Variants in SLC25A21 observed in about 807,000 individuals in gnomAD.
The protein encoded by SLC25A21 is solute carrier family 25 member 21.
SLC25A21 carries 47 observed loss-of-function variants against 43.8 expected under a neutral mutation model. The ratio of observed to expected loss-of-function variants is 1.07; its 90% confidence interval spans 0.85 to 1.37. The LOEUF (loss-of-function observed/expected upper bound fraction) is 1.37, where lower values mean the gene tolerates loss of function less well. Ranked by LOEUF, SLC25A21 falls within the 40% of genes most tolerant of loss-of-function variation. The pLI, the probability that SLC25A21 is intolerant of heterozygous loss-of-function variation, is 0.00. For missense variants in SLC25A21, 352 were observed against 350.2 expected (o/e 1.00, Z -0.04); for synonymous variants, 131 against 121.3 (o/e 1.08, Z -0.52).
At chr14:36,840,970 A>G (rs1361893594) in intron 2 of SLC25A21, among the ~76,000 whole-genome samples, 1 of 152,252 alleles carries the variant, frequency 6.6e-6, no homozygotes, top group Non-Finnish European at 1.5e-5. Context: ...CAGAATAAAA[A>G]TATGTACAGC....
chr14:36,920,347 T>C (rs1891947477), intron 1 of SLC25A21, among the ~76,000 whole-genome samples: 1 of 152,092 alleles, frequency 6.6e-6, no homozygotes, highest in Non-Finnish European at 1.5e-5. Context: ...GTTATATTTT[T>C]AAGCATATAG....
intron 3 of SLC25A21, among the ~76,000 whole-genome samples, chr14:36,789,928 T>TA (rs1186451088): frequency 7.9e-6 from 1 of 126,318 alleles, no homozygotes; most frequent in Non-Finnish European, 1.6e-5. Flanking sequence ...TATATTTATA[T>TA]ATTATATATA....
chr14:36,967,434 A>G (rs371953803), intron 1 of SLC25A21, among the ~76,000 whole-genome samples: 10 of 152,194 alleles, frequency 6.6e-5, no homozygotes, highest in African/African-American at 2.4e-4. Context: ...GATGGAGTCA[A>G]TAGAGAAGAA....
chr14:36,700,941 T>C (rs1445948055), intron 7 of SLC25A21, among the ~76,000 whole-genome samples: 1 of 152,186 alleles, frequency 6.6e-6, no homozygotes, highest in Non-Finnish European at 1.5e-5. Context: ...ATTGGAATCA[T>C]AGTTGCCTCC....
At chr14:37,120,425 G>A (rs373467269) in intron 1 of SLC25A21, among the ~76,000 whole-genome samples, 1 of 152,198 alleles carries the variant, frequency 6.6e-6, no homozygotes, top group African/African-American at 2.4e-5. Context: ...GACCAAAGGG[G>A]ACTTACTTCA....
intron 1 of SLC25A21, among the ~76,000 whole-genome samples, chr14:36,876,520 G>T (rs1890529144): frequency 6.6e-6 from 1 of 152,100 alleles, no homozygotes; most frequent in African/African-American, 2.4e-5. Flanking sequence ...TGACAGCAAA[G>T]CCTCTAGGTA....
chr14:37,070,399 A>T (rs1293069188), intron 1 of SLC25A21, among the ~76,000 whole-genome samples: 1 of 152,092 alleles, frequency 6.6e-6, no homozygotes, highest in African/African-American at 2.4e-5. Context: ...TTCATTGTAG[A>T]CCTCTTTTAA....
chr14:36,695,272 C>T (rs113507427), intron 7 of SLC25A21, among the ~76,000 whole-genome samples: 1 of 152,062 alleles, frequency 6.6e-6, no homozygotes, highest in Non-Finnish European at 1.5e-5. Flanking sequence ...TGGTCTATAT[C>T]TCTGTTTTGG....
At chr14:36,798,839 G>A (rs968768238) in intron 3 of SLC25A21, among the ~76,000 whole-genome samples, 2 of 151,906 alleles carry the variant, frequency 1.3e-5, no homozygotes, top group African/African-American at 4.8e-5. Context: ...CATTACAAAA[G>A]GAGGTGTTCA....
intron 1 of SLC25A21, among the ~76,000 whole-genome samples, chr14:36,919,747 G>A (rs1218822172): frequency 3.9e-5 from 6 of 151,908 alleles, no homozygotes; most frequent in African/African-American, 1.4e-4. Flanking sequence ...AGAACAGACA[G>A]TAGGAATTTT....
At chr14:36,833,499 AG>A (rs1158713521) in intron 2 of SLC25A21, among the ~76,000 whole-genome samples, 2 of 152,252 alleles carry the variant, frequency 1.3e-5, no homozygotes, top group Non-Finnish European at 1.5e-5. Flanking sequence ...GTAGAAGTTT[AG>A]AAAAAATGTA....
intron 2 of SLC25A21, among the ~76,000 whole-genome samples, chr14:36,826,106 A>G (rs905960209): frequency 6.6e-6 from 1 of 152,218 alleles, no homozygotes; most frequent in Non-Finnish European, 1.5e-5. Flanking sequence ...TTACTAAGAC[A>G]CCAACTCTCT....
intron 7 of SLC25A21, among the ~76,000 whole-genome samples, chr14:36,698,021 C>T (rs990786056): frequency 2.0e-5 from 3 of 152,184 alleles, no homozygotes; most frequent in African/African-American, 4.8e-5. Context: ...ATGGTCTTTA[C>T]AATTTGGCAT....
intron 1 of SLC25A21, among the ~76,000 whole-genome samples, chr14:36,931,306 C>T (rs1024517279): frequency 6.6e-5 from 10 of 152,138 alleles, no homozygotes; most frequent in Admixed American, 5.9e-4. Context: ...GAATGGGAGG[C>T]TTCTCAGAGG....
At chr14:36,864,608 C>CAA (rs1890160392) in intron 2 of SLC25A21, among the ~76,000 whole-genome samples, 1 of 152,220 alleles carries the variant, frequency 6.6e-6, no homozygotes, top group African/African-American at 2.4e-5. Context: ...GTTGAAGTTG[C>CAA]ACTCACAATA....
intron 1 of SLC25A21, among the ~76,000 whole-genome samples, chr14:37,013,208 G>A (rs948673161): frequency 6.6e-6 from 1 of 152,090 alleles, no homozygotes; most frequent in African/African-American, 2.4e-5. Context: ...TGAGAGACAC[G>A]GAGCTTGTTT....
intron 1 of SLC25A21, among the ~76,000 whole-genome samples, chr14:36,894,947 T>G (rs1161698255): frequency 1.3e-5 from 2 of 152,204 alleles, no homozygotes; most frequent in Non-Finnish European, 2.9e-5. Context: ...TTTGCCAGTA[T>G]TTTATTGAGG....
intron 1 of SLC25A21, among the ~76,000 whole-genome samples, chr14:37,051,078 GT>G (rs377684825): frequency 4.6e-5 from 7 of 152,196 alleles, no homozygotes; most frequent in African/African-American, 1.7e-4. Flanking sequence ...TCATGTATTA[GT>G]TTACATCATT....
chr14:36,857,399 G>A (rs556108637), intron 2 of SLC25A21, among the ~76,000 whole-genome samples: 2 of 152,314 alleles, frequency 1.3e-5, no homozygotes, highest in South Asian at 4.1e-4. Context: ...TGACTGCCCG[G>A]CTGAGAGGCA....
Sources: allele counts gnomAD v4.1 joint callset (sites outside exome capture counted in the v4.1 genomes callset), GRCh38; gene constraint gnomAD v4.1.1; transcripts MANE v1.5; gene names NCBI Gene and HGNC (gene_info 2026-07-23, HGNC 2026-07-21).